SLC6A3: variants seen among roughly 807,000 people sequenced by gnomAD.
SLC6A3 encodes the protein sodium-dependent dopamine transporter.
A neutral mutation model predicts 70.4 loss-of-function variants in SLC6A3; 19 were observed. That is an observed-to-expected ratio of 0.27 (90% CI 0.19 to 0.40). The LOEUF (loss-of-function observed/expected upper bound fraction) is 0.40. Among genes scored for constraint, SLC6A3 ranks in the 10% least tolerant of loss-of-function variants. SLC6A3 has a pLI of 1.00. For synonymous variants in SLC6A3, 368 were observed against 356.6 expected (o/e 1.03, Z -0.36); for missense variants, 613 against 838.5 (o/e 0.73, Z 3.32).
Position 1,402,308 on chromosome 5 carries a change from C to A in SLC6A3, c.1767+614G>T, listed in dbSNP as rs1755868614. Among the ~76,000 whole-genome samples, 1 of 151,652 alleles carries A rather than the reference C, an allele frequency of 6.6e-6. No individual in the cohort carries two copies. On this transcript the variant is annotated intron_variant, in intron 13 of 14. Transcript: ENST00000270349. The surrounding 1 kb of genome is among the most constrained non-coding windows in gnomAD (Gnocchi z 8.5). Reference sequence around the variant, plus strand: ...TAAACAGGGCCCTGTGACTGGTCCACCTGCCTTTCTTCTACACAAAGGCGG... The same window carrying A: ...TAAACAGGGCCCTGTGACTGGTCCAACTGCCTTTCTTCTACACAAAGGCGG...
In SLC6A3 at chr5:1,396,761, G is replaced by A. The variant is rs917827770; in HGVS notation, c.1840-2003C>T. On this transcript the variant is annotated intron_variant, in intron 14 of 14. Transcript: ENST00000270349. The surrounding 1 kb of genome is among the most constrained non-coding windows in gnomAD (Gnocchi z 7.0). ...CAGCCAGGAGAATGTCATGATTCTC[G>A]GGGATCTGCATGGGGTGTGCATAAG... 2.6e-5 allele frequency among the ~76,000 whole-genome samples: 4 copies of A among 152,192 alleles called. No homozygotes were observed. The highest frequency in any genetic ancestry group is 2.1e-4 in the South Asian group (1 of 4,812).
chr5:1,438,887 C>G lies in SLC6A3; in HGVS notation c.418+2472G>C, dbSNP rs748359482. ...CTCAGTTTCCCCTACCCCAGTGGGCCGGCTTCATCTCTGACTCAGCATCCC... is the reference window on the plus strand; with the variant it reads ...CTCAGTTTCCCCTACCCCAGTGGGCGGGCTTCATCTCTGACTCAGCATCCC... On this transcript the variant is annotated intron_variant, in intron 3 of 14. Transcript: ENST00000270349. The surrounding 1 kb of genome is among the most constrained non-coding windows in gnomAD (Gnocchi z 6.5). Among the ~76,000 whole-genome samples the G allele has an allele frequency of 6.6e-6, 1 of 152,202 alleles. No individual in the cohort carries two copies. The highest frequency in any genetic ancestry group is 1.5e-5 in the Non-Finnish European group (1 of 68,034).
At chr5:1,441,591 C>T in intron 2 of SLC6A3, 101 bp from the exon 3 acceptor site, 1 of 1,384,044 alleles carries the variant, frequency 7.2e-7, no homozygotes, top group Admixed American at 2.1e-5. Flanking sequence ...CATGTCCTGG[C>T]CCGACCGTTT....
In SLC6A3 at chr5:1,406,279, T is replaced by C; in HGVS notation, c.1508A>G (p.Gln503Arg). 1.9e-6 allele frequency: 3 copies of C among 1,612,752 alleles called. No homozygotes were observed. The highest frequency in any genetic ancestry group is 2.5e-6 in the Non-Finnish European group (3 of 1,179,794). Residue 503 changes from glutamine (Q) to arginine (R), a missense_variant, in exon 12 of 15, where the codon CAG (glutamine) becomes CGG (arginine). Gln to Arg is a conservative substitution (Grantham distance 43). Around this residue, in one of 4 missense-constraint regions of SLC6A3, gnomAD observed 348 missense variants for 481.2 expected, o/e 0.72. Transcript: ENST00000270349. This position sits in a 1 kb window ranked among gnomAD's most constrained non-coding sequence, Gnocchi z 8.8. ...CATCTGCTGGATGTCGTCGCTGAAC[T>C]GCCCAACACCTGAGGGAGAAGAGGT... ...IGVAWFYGVGQFSDDIQQMTG... is the reference protein window; with the variant it reads ...IGVAWFYGVGRFSDDIQQMTG...
chr5:1,440,133 AG>A (rs1756939109), intron 3 of SLC6A3, among the ~76,000 whole-genome samples: 3 of 152,212 alleles, frequency 2.0e-5, no homozygotes, highest in African/African-American at 7.2e-5. Flanking sequence ...GCTAGTAGAT[AG>A]GTGGATAGGT....
At chr5:1,416,709 G>A (rs1175903991) in intron 6 of SLC6A3, 7 of 255,536 alleles carry the variant, frequency 2.7e-5, no homozygotes, top group East Asian at 9.5e-5. Flanking sequence ...TGACCGCAGC[G>A]TCCTAATAGC....
At position 1,394,681 on chromosome 5, in the gene SLC6A3, T is replaced by G. The variant is rs138746405; in HGVS notation, c.*54A>C. ...TCGAAACTTAGATTTCCTTGGTTTGTTCGTGTCTCTCCCATTGCAGGATGA... is the reference window on the plus strand; with the variant it reads ...TCGAAACTTAGATTTCCTTGGTTTGGTCGTGTCTCTCCCATTGCAGGATGA... On this transcript the variant is annotated 3_prime_UTR_variant, in exon 15 of 15. Transcript: ENST00000270349. The surrounding 1 kb of genome is among the most constrained non-coding windows in gnomAD (Gnocchi z 4.7). The G allele has an allele frequency of 5.0e-4, 791 of 1,570,502 alleles. 5 individuals are homozygous for G. In the African/African-American group the frequency reaches 9.8e-3, roughly 19 times the overall value.
rs958996033 is a variant in SLC6A3 at position 1,406,902 on chromosome 5, C to T, written c.1499-614G>A. 5.2e-4 allele frequency among the ~76,000 whole-genome samples: 79 copies of T among 152,284 alleles called. No individual in the cohort carries two copies. Among genetic ancestry groups the T allele is most frequent in the Admixed American group, 1.6e-3 (24 of 15,306 alleles). ...GTCAGTGGAGTCACGTGGCACGGGG[C>T]CTCTGCAACTGGTTTACTCCCTGTA... On this transcript the variant is annotated intron_variant, in intron 11 of 14. Coordinates refer to ENST00000270349, the MANE Select transcript of SLC6A3 (RefSeq NM_001044.5). This position sits in a 1 kb window ranked among gnomAD's most constrained non-coding sequence, Gnocchi z 8.8.
rs755879361 is a variant in SLC6A3, at chr5:1,436,283, A to T, written c.419-3585T>A. Among the ~76,000 whole-genome samples the T allele has an allele frequency of 7.2e-5, 11 of 152,326 alleles. No individual in the cohort carries two copies. Among genetic ancestry groups the T allele is most frequent in the Non-Finnish European group, 1.5e-4 (10 of 68,024 alleles). The stretch of plus-strand genomic sequence containing the variant: ...CCGAAGGCCCAGACGCAGGAAACCC[A>T]CTACCCTGTTGGCTACAGAACCTTC... On this transcript the variant is annotated intron_variant, in intron 3 of 14. Transcript: ENST00000270349. This position sits in a 1 kb window ranked among gnomAD's most constrained non-coding sequence, Gnocchi z 5.2.
chr5:1,407,631 G>A (rs3776510), intron 11 of SLC6A3, among the ~76,000 whole-genome samples: 48,067 of 152,122 alleles, frequency 0.32, 8,733 homozygotes, highest in African/African-American at 0.5. Flanking sequence ...CGCCAGGGCC[G>A]GCTTCTCCCC....
intron 11 of SLC6A3, among the ~76,000 whole-genome samples, chr5:1,407,755 T>C (rs1756018926): frequency 6.6e-6 from 1 of 152,338 alleles, no homozygotes; most frequent in Admixed American, 6.5e-5. Flanking sequence ...AAAGTATTGA[T>C]TCCAGACACC....
intron 3 of SLC6A3, among the ~76,000 whole-genome samples, chr5:1,433,137 C>T (rs981578402): frequency 6.6e-6 from 1 of 152,128 alleles, no homozygotes; most frequent in African/African-American, 2.4e-5. Flanking sequence ...TTGAGGCCAT[C>T]TAGGGGGTAC....
At chr5:1,409,251 T>G in intron 10 of SLC6A3, 126 bp from the exon 11 acceptor site, 4 of 747,250 alleles carry the variant, frequency 5.4e-6, no homozygotes, top group Non-Finnish European at 9.5e-6. Flanking sequence ...TCCCTAAAAT[T>G]CAACCCACAT....
Position 1,413,836 on chromosome 5 carries a change from A to G in SLC6A3, c.1156+855T>C, listed in dbSNP as rs1438296799. Among the ~76,000 whole-genome samples the G allele has an allele frequency of 6.6e-6, 1 of 152,108 alleles. No homozygotes were observed. Among genetic ancestry groups the G allele is most frequent in the Non-Finnish European group, 1.5e-5 (1 of 68,006 alleles). The stretch of plus-strand genomic sequence containing the variant: ...AACGCCACAGCTTTCCACTGCAAGC[A>G]CCGGAGCCAGGCACGTGGCCCCAAG... On this transcript the variant is annotated intron_variant, in intron 8 of 14. Transcript: ENST00000270349. This position sits in a 1 kb window ranked among gnomAD's most constrained non-coding sequence, Gnocchi z 7.1.
At position 1,421,092 on chromosome 5, in the gene SLC6A3, C is replaced by T. The variant is rs1273784161; in HGVS notation, c.793-389G>A. Among the ~76,000 whole-genome samples, 1 of 152,082 alleles carries T rather than the reference C, an allele frequency of 6.6e-6. No individual in the cohort carries two copies. Among genetic ancestry groups the T allele is most frequent in the East Asian group, 1.9e-4 (1 of 5,180 alleles). On this transcript the variant is annotated intron_variant, in intron 5 of 14. Coordinates refer to ENST00000270349, the MANE Select transcript of SLC6A3 (RefSeq NM_001044.5). This position sits in a 1 kb window ranked among gnomAD's most constrained non-coding sequence, Gnocchi z 7.2. ...GGGCTGTGTCCCTGCGGGAGGCTCC[C>T]GTGGCTGGTGCCATACTACACGCAC... is the stretch of plus-strand genomic sequence containing the variant.
In SLC6A3 at chr5:1,442,913, G is replaced by A. The variant is rs201707183; in HGVS notation, c.285C>T (p.Gly95=). The change falls in exon 2 of 15, where the codon GGC becomes GGT. Residue 95 remains glycine (G), a splice_region_variant and synonymous_variant. Coordinates refer to ENST00000270349, the MANE Select transcript of SLC6A3 (RefSeq NM_001044.5). This position sits in a 1 kb window ranked among gnomAD's most constrained non-coding sequence, Gnocchi z 5.0. ...CAGGGAGGCTGAGATGGGACTTACCGCCACCATTTTTGTAGCACAGGTAGG... is the reference window on the plus strand; with the variant it reads ...CAGGGAGGCTGAGATGGGACTTACCACCACCATTTTTGTAGCACAGGTAGG... The part of the protein sequence containing the change: ...RFPYLCYKNG[G]GAFLVPYLLF... 4.2e-5 allele frequency: 67 copies of A among 1,613,982 alleles called. No individual in the cohort carries two copies. Among genetic ancestry groups the A allele is most frequent in the East Asian group, 3.3e-4 (15 of 44,900 alleles).
rs2126403919 is a variant in SLC6A3, at chr5:1,437,633, G to C, written c.418+3726C>G. On this transcript the variant is annotated intron_variant, in intron 3 of 14. Transcript: ENST00000270349. The surrounding 1 kb of genome is among the most constrained non-coding windows in gnomAD (Gnocchi z 4.8). ...CTACGGGAAATGCACGTGAGTCATG[G>C]CTGCTGAGCAGCTGGGCCTCACCAT... 6.6e-6 allele frequency among the ~76,000 whole-genome samples: 1 copy of C among 152,354 alleles called. No homozygotes were observed. Among genetic ancestry groups the C allele is most frequent in the Admixed American group, 6.5e-5 (1 of 15,310 alleles).
In SLC6A3 at chr5:1,408,952, GC is replaced by G. The variant is rs1171991742; in HGVS notation, c.1498+73del. Reference sequence around the variant, plus strand: ...CAGCTGAAAGGTGTTTCCTCACGGAGCCTTTTTCAGAAGGGGAGTGGCACAG... The same window carrying G: ...CAGCTGAAAGGTGTTTCCTCACGGAGCTTTTTCAGAAGGGGAGTGGCACAG... On this transcript the variant is annotated intron_variant, in intron 11 of 14. Transcript: ENST00000270349. This position sits in a 1 kb window ranked among gnomAD's most constrained non-coding sequence, Gnocchi z 6.4. 27 of 1,036,140 alleles carry G rather than the reference GC, an allele frequency of 2.6e-5. No individual in the cohort carries two copies. Among genetic ancestry groups the G allele is most frequent in the Non-Finnish European group, 7.5e-6 (5 of 665,320 alleles). The allele number at this position is 1,036,140 out of a possible 1,614,324, so 64.2% of individuals were successfully genotyped here. A position where few individuals can be genotyped will look rare whatever the true frequency, so the allele number is the denominator to read the frequency against.
At chr5:1,416,454 A>T in intron 6 of SLC6A3, 1 of 582,044 alleles carries the variant, frequency 1.7e-6, no homozygotes, top group Non-Finnish European at 3.1e-6. Context: ...CCCATGGAGT[A>T]TCAAGGCAGC....
Sources: gnomAD v4.1 joint callset for allele counts (sites outside exome capture counted in the v4.1 genomes callset) on GRCh38, gnomAD v4.1.1 for gene constraint, gnomAD v4.1.1 regional missense constraint, Gnocchi (gnomAD v3.1) non-coding constraint, MANE v1.5 for transcripts, NCBI Gene and HGNC (gene_info 2026-07-23, HGNC 2026-07-21) for gene names.